The following COTL1 variants were observed in gnomAD, a reference collection of about 807,000 sequenced individuals.
COTL1 encodes the protein coactosin like F-actin binding protein 1.
Under a neutral mutation model 16.5 loss-of-function variants are expected in COTL1, and 15 were observed. That is an observed-to-expected ratio of 0.91 (90% confidence interval 0.61 to 1.40). The LOEUF is 1.40. COTL1 is among the 40% of genes most tolerant of loss of function. The pLI is 0.00. For synonymous variants in COTL1, 112 were observed against 85.3 expected, an observed-to-expected ratio of 1.31 and a Z score of -1.73; for missense variants, 220 against 201.5, an observed-to-expected ratio of 1.09 and a Z score of -0.56.
chr16:84,600,824 C>T (rs1363567578), intron 2 of COTL1, among the ~76,000 whole-genome samples: 1 of 152,122 alleles, frequency 6.6e-6, no homozygotes, highest in East Asian at 1.9e-4. Flanking sequence ...ACAGGATGGC[C>T]AGAGGAAAAG....
chr16:84,587,007 G>A (rs1001938099), intron 3 of COTL1, among the ~76,000 whole-genome samples: 28 of 152,284 alleles, frequency 1.8e-4, no homozygotes, highest in South Asian at 4.1e-4. Flanking sequence ...TCCTCCCGGC[G>A]ACGTCCAGGA....
chr16:84,574,710 A>C (rs112335578), intron 3 of COTL1, among the ~76,000 whole-genome samples: 22,225 of 151,876 alleles, frequency 0.15, 2,072 homozygotes, highest in Admixed American at 0.33. Context: ...CTACCTCCTG[A>C]GTAGCTGGGA....
chr16:84,578,856 C>CACACAT (rs1904511506), intron 3 of COTL1, among the ~76,000 whole-genome samples: 1 of 152,174 alleles, frequency 6.6e-6, no homozygotes, highest in African/African-American at 2.4e-5. Flanking sequence ...GGTATGCACA[C>CACACAT]ACACATACAC....
At position 84,608,507 on chromosome 16, in the gene COTL1, G is replaced by C. The variant is rs796800279; in HGVS notation, c.160+8994C>G. Among the ~76,000 whole-genome samples the C allele has an allele frequency of 3.5e-4, 54 of 152,334 alleles. 1 individual carries two copies. Among genetic ancestry groups the C allele is most frequent in the African/African-American group, 1.2e-3 (49 of 41,570 alleles). Reference sequence around the variant, plus strand: ...CAAAAAAGCTATGCAGCGTGGCTCAGGGCCTCCCAGCAACAGATCTGTGGG... The same window carrying C: ...CAAAAAAGCTATGCAGCGTGGCTCACGGCCTCCCAGCAACAGATCTGTGGG... On this transcript the variant is annotated intron_variant, in intron 2 of 3. Transcript: ENST00000262428.
At chr16:84,596,499 T>C (rs1305949656) in intron 2 of COTL1, 2 of 152,158 alleles carry the variant, frequency 1.3e-5, no homozygotes, top group Non-Finnish European at 2.9e-5. Flanking sequence ...CCCCAACACC[T>C]CTCCAGTGAA....
chr16:84,569,914 T>C (rs980038056), intron 3 of COTL1, among the ~76,000 whole-genome samples: 7 of 152,250 alleles, frequency 4.6e-5, no homozygotes, highest in East Asian at 3.8e-4. Flanking sequence ...TAGCTATATA[T>C]GGCAATCTAC....
chr16:84,601,075 T>C (rs1905097890), intron 2 of COTL1, among the ~76,000 whole-genome samples: 1 of 152,150 alleles, frequency 6.6e-6, no homozygotes, highest in African/African-American at 2.4e-5. Context: ...CTATAGCATC[T>C]ATAAGGAGAC....
chr16:84,595,404 C>T (rs904744639), intron 2 of COTL1: 47 of 152,398 alleles, frequency 3.1e-4, no homozygotes, highest in African/African-American at 1.0e-3. Context: ...TTGGTCTGCG[C>T]ACCGTTTTTG....
At chr16:84,607,019 G>A (rs1303186887) in intron 2 of COTL1, among the ~76,000 whole-genome samples, 1 of 152,194 alleles carries the variant, frequency 6.6e-6, no homozygotes, top group East Asian at 1.9e-4. Context: ...CCACTCAAGG[G>A]AGCAACACAC....
At chr16:84,591,033 C>T (rs1162408650) in intron 2 of COTL1, among the ~76,000 whole-genome samples, 1 of 152,060 alleles carries the variant, frequency 6.6e-6, no homozygotes, top group African/African-American at 2.4e-5. Context: ...GCTTTGAGGG[C>T]TATTTTGTTC....
chr16:84,613,445 G>C (rs929020610), intron 2 of COTL1, among the ~76,000 whole-genome samples: 3 of 152,198 alleles, frequency 2.0e-5, no homozygotes, highest in African/African-American at 7.2e-5. Context: ...AAAGCACCAA[G>C]ACGGGAAATG....
chr16:84,614,291 G>A (rs1905411887), intron 2 of COTL1, among the ~76,000 whole-genome samples: 1 of 152,252 alleles, frequency 6.6e-6, no homozygotes, highest in African/African-American at 2.4e-5. Flanking sequence ...AGCCAGGCAA[G>A]CTCGGGAAGA....
chr16:84,598,890 T>G (rs1905059946), intron 2 of COTL1, among the ~76,000 whole-genome samples: 1 of 146,404 alleles, frequency 6.8e-6, no homozygotes, highest in South Asian at 2.1e-4. Context: ...TGCTGGGCAG[T>G]CAAAGGGATG....
intron 3 of COTL1, among the ~76,000 whole-genome samples, chr16:84,588,425 G>A (rs952796536): frequency 1.3e-5 from 2 of 152,034 alleles, no homozygotes; most frequent in Admixed American, 1.3e-4. Context: ...TTAAACTCCC[G>A]ACTTTATTTA....
At chr16:84,578,198 T>C (rs925257350) in intron 3 of COTL1, among the ~76,000 whole-genome samples, 3 of 152,184 alleles carry the variant, frequency 2.0e-5, no homozygotes, top group African/African-American at 7.2e-5. Flanking sequence ...GGTTCAGATC[T>C]TCAACTTCTG....
At chr16:84,611,417 T>C (rs1344415897) in intron 2 of COTL1, among the ~76,000 whole-genome samples, 3 of 152,234 alleles carry the variant, frequency 2.0e-5, no homozygotes, top group Non-Finnish European at 4.4e-5. Context: ...AACTTTGGCA[T>C]TACAGTTGTT....
chr16:84,582,761 G>A (rs1205624828), intron 3 of COTL1, among the ~76,000 whole-genome samples: 3 of 140,690 alleles, frequency 2.1e-5, no homozygotes, highest in Non-Finnish European at 5.0e-5. Flanking sequence ...CAACCACTCT[G>A]TGAAATTTTA....
rs556611459 is a variant in COTL1 at position 84,569,563 on chromosome 16, C to G, written c.319-2608G>C. On this transcript the variant is annotated intron_variant, in intron 3 of 3. Transcript: ENST00000262428. ...CTGATGTGTGCCAGGAACAGCCTCA[C>G]TCATGTTCTCGTTCAGCCCTCAGTA... 1.2e-4 allele frequency among the ~76,000 whole-genome samples: 19 copies of G among 152,182 alleles called. 1 individual carries two copies. In the East Asian group the frequency reaches 1.9e-3, roughly 15 times the overall value.
intron 2 of COTL1, among the ~76,000 whole-genome samples, chr16:84,607,595 T>G (rs2150695714): frequency 6.6e-6 from 1 of 152,166 alleles, no homozygotes; most frequent in Middle Eastern, 3.4e-3. Context: ...ATCCCTAAGG[T>G]CAGCATCGTG....
Sources: gnomAD v4.1 joint callset for allele counts (sites outside exome capture counted in the v4.1 genomes callset) on GRCh38, gnomAD v4.1.1 for gene constraint, MANE v1.5 for transcripts, NCBI Gene and HGNC (gene_info 2026-07-23, HGNC 2026-07-21) for gene names.